LAMTOR5: variants seen among roughly 807,000 people sequenced by gnomAD.
LAMTOR5 encodes the protein ragulator complex protein LAMTOR5.
Under a neutral mutation model 12.1 loss-of-function variants are expected in LAMTOR5, and 8 were observed. The ratio of observed to expected loss-of-function variants is 0.66; its 90% CI spans 0.39 to 1.19. LAMTOR5 has a LOEUF of 1.19. LAMTOR5 is among the 50% of genes most tolerant of loss of function. LAMTOR5 has a pLI of 0.01. For missense variants in LAMTOR5, 110 were observed against 112.8 expected, an observed-to-expected ratio of 0.97 and a Z score of 0.11; for synonymous variants, 37 against 41.9, an observed-to-expected ratio of 0.88 and a Z score of 0.45.
intron 2 of LAMTOR5, among the ~76,000 whole-genome samples, chr1:110,405,405 T>G (rs1040333715): frequency 6.6e-6 from 1 of 152,072 alleles, no homozygotes; most frequent in African/African-American, 2.4e-5. Flanking sequence ...CCTCAGGTGA[T>G]CCACCCGCCT....
intron 3 of LAMTOR5, among the ~76,000 whole-genome samples, chr1:110,402,582 C>T (rs796099630): frequency 1.3e-5 from 2 of 152,222 alleles, no homozygotes; most frequent in African/African-American, 4.8e-5. Flanking sequence ...ACTACTCCTA[C>T]TTATTAAGAC....
At chr1:110,403,853 GC>G (rs1352345762) in intron 3 of LAMTOR5, 65 bp downstream of exon 3, 3 of 1,594,290 alleles carry the variant, frequency 1.9e-6, no homozygotes, top group East Asian at 2.3e-5. Context: ...CACAGGGCCG[GC>G]CCCCGCCAAT....
chr1:110,407,694 TGAC>T (rs1160173549), upstream of LAMTOR5: 1 of 1,614,206 alleles, frequency 6.2e-7, no homozygotes, highest in Non-Finnish European at 8.5e-7. Context: ...CTCAGTCACT[TGAC>T]GCGAGCGGGG....
At chr1:110,407,469 G>C (rs577968011) in intron 1 of LAMTOR5, 117 bp downstream of exon 1, 2 of 1,304,088 alleles carry the variant, frequency 1.5e-6, no homozygotes, top group East Asian at 2.5e-5. Flanking sequence ...CCGTGTCCCG[G>C]GGGTCGCGCG....
Position 110,407,603 on chromosome 1 carries a change from C to T in LAMTOR5, c.18G>A (p.Glu6=), listed in dbSNP as rs140018196. 4.3e-6 allele frequency: 7 copies of T among 1,614,042 alleles called. No individual in the cohort carries two copies. The African/African-American group carries it at 9.3e-5, about 22-fold the overall frequency. Residue 6 remains glutamate, a synonymous_variant, in exon 1 of 4, where the codon GAG becomes GAA. Transcript: ENST00000602318. ...CTACTCACGTGTCTTCCAAGTGCTG[C>T]TCCAAGGTCGCCTCCATCCCACCCA... MEATL[E]QHLEDTMKNP... is the part of the protein sequence containing the mutation.
At chr1:110,404,419 A>C (rs183822736) in intron 2 of LAMTOR5, among the ~76,000 whole-genome samples, 36 of 152,360 alleles carry the variant, frequency 2.4e-4, no homozygotes, top group African/African-American at 8.4e-4. Flanking sequence ...ATTTAGTTTT[A>C]GATTTCCATA....
In LAMTOR5 at chr1:110,406,390, G is replaced by A. The variant is rs772984027; in HGVS notation, c.36-11C>T. ...GAGGGATTCTTCATTCTAATTCCAG[G>A]AACACAAGAGAGTTGAAGTACATAA... is the stretch of plus-strand genomic sequence containing the variant. On this transcript the variant is annotated splice_polypyrimidine_tract_variant and intron_variant, in intron 1 of 3. Coordinates refer to ENST00000602318, the MANE Select transcript of LAMTOR5 (RefSeq NM_001382293.1). 3 of 1,599,972 alleles carry A rather than the reference G, an allele frequency of 1.9e-6. No individual in the cohort carries two copies. The highest frequency in any genetic ancestry group is 2.6e-6 in the Non-Finnish European group (3 of 1,170,134).
chr1:110,406,482 T>A, intron 1 of LAMTOR5, 103 bp from the exon 2 acceptor site: 1 of 714,846 alleles, frequency 1.4e-6, no homozygotes, highest in Non-Finnish European at 2.3e-6. Flanking sequence ...TTAAGTGCTT[T>A]AAATCAATAT....
At position 110,401,378 on chromosome 1, in the gene LAMTOR5, G is replaced by T; in HGVS notation, c.*145C>A. Reference sequence around the variant, plus strand: ...TAGTCGGTCCATAGAGCATTAGAAAGCAATTGACTCTTAAATAAACAGAAA... The same window carrying T: ...TAGTCGGTCCATAGAGCATTAGAAATCAATTGACTCTTAAATAAACAGAAA... On this transcript the variant is annotated 3_prime_UTR_variant, in exon 4 of 4. Transcript: ENST00000602318. 1.4e-6 allele frequency: 1 copy of T among 721,788 alleles called. No homozygotes were observed. The highest frequency in any genetic ancestry group is 2.2e-6 in the Non-Finnish European group (1 of 455,626). 44.7% of individuals were successfully genotyped at this position (721,788 alleles called of 1,614,324 possible).
rs1166001203 is a variant in LAMTOR5 at position 110,401,684 on chromosome 1, G to A, written c.216-101C>T. The A allele has an allele frequency of 7.1e-6, 9 of 1,260,676 alleles. No homozygotes were observed. The South Asian group carries it at 7.4e-5, about 10-fold the overall frequency. The allele number at this position is 1,260,676 out of a possible 1,614,324, so 78.1% of individuals were successfully genotyped here. ...TTTAGGATACAATATTTAAAATAAT[G>A]TAATTGTTTCTACGTATAAAAGCAA... On this transcript the variant is annotated intron_variant, in intron 3 of 3. Coordinates refer to ENST00000602318, the MANE Select transcript of LAMTOR5 (RefSeq NM_001382293.1).
At chr1:110,402,536 A>G (rs370177235) in intron 3 of LAMTOR5, among the ~76,000 whole-genome samples, 1 of 152,158 alleles carries the variant, frequency 6.6e-6, no homozygotes, top group African/African-American at 2.4e-5. Context: ...GTGAGCCACC[A>G]TGCCGGGCCT....
At chr1:110,407,260 A>C (rs1408707460) in intron 1 of LAMTOR5, 9 of 579,420 alleles carry the variant, frequency 1.6e-5, no homozygotes, top group Non-Finnish European at 2.8e-5. Flanking sequence ...CAATCTTCCC[A>C]AAAGTCAACC....
At chr1:110,404,873 C>T (rs1663296957) in intron 2 of LAMTOR5, among the ~76,000 whole-genome samples, 1 of 151,892 alleles carries the variant, frequency 6.6e-6, no homozygotes, top group African/African-American at 2.4e-5. Flanking sequence ...CATAGTGAAA[C>T]CCTGTATCTA....
intron 1 of LAMTOR5, chr1:110,406,659 T>C: frequency 3.5e-6 from 1 of 286,586 alleles, no homozygotes; most frequent in Non-Finnish European, 6.6e-6. Context: ...ACCCCGTCTC[T>C]ACTAAAAATA....
rs375681309 is a variant in LAMTOR5, at chr1:110,407,570, G to C, written c.35+16C>G. On this transcript the variant is annotated intron_variant, in intron 1 of 3. Coordinates refer to ENST00000602318, the MANE Select transcript of LAMTOR5 (RefSeq NM_001382293.1). The stretch of plus-strand genomic sequence containing the variant: ...CCGCGACCTCAGGACAGGCCGAAGA[G>C]GCGCGCACTACTCACGTGTCTTCCA... The C allele has an allele frequency of 6.2e-6, 10 of 1,611,578 alleles. No homozygotes were observed. Among genetic ancestry groups the C allele is most frequent in the Non-Finnish European group, 8.5e-6 (10 of 1,178,236 alleles).
At chr1:110,406,005 A>G (rs908721858) in intron 2 of LAMTOR5, among the ~76,000 whole-genome samples, 2 of 152,226 alleles carry the variant, frequency 1.3e-5, no homozygotes, top group African/African-American at 4.8e-5. Flanking sequence ...TATGGCATAC[A>G]TTCAATAAAT....
chr1:110,406,249 C>G, intron 2 of LAMTOR5, 69 bp downstream of exon 2: 1 of 1,037,610 alleles, frequency 9.6e-7, no homozygotes, highest in East Asian at 2.7e-5. Flanking sequence ...AAAATAATAG[C>G]ACGCTAGGCT....
chr1:110,406,201 CAGAA>C (rs1470253223), intron 2 of LAMTOR5, 113 bp downstream of exon 2: 2 of 588,308 alleles, frequency 3.4e-6, no homozygotes, highest in Non-Finnish European at 5.7e-6. Flanking sequence ...CTCTCAAACT[CAGAA>C]AGACCTGGCA....
intron 3 of LAMTOR5, chr1:110,403,650 T>A: frequency 3.2e-6 from 1 of 315,086 alleles, no homozygotes; most frequent in East Asian, 6.0e-5. Context: ...TATTCTCTGA[T>A]TAGTTTTCCT....
Sources: gnomAD v4.1 joint callset for allele counts (sites outside exome capture counted in the v4.1 genomes callset) on GRCh38, gnomAD v4.1.1 for gene constraint, MANE v1.5 for transcripts, NCBI Gene and HGNC (gene_info 2026-07-23, HGNC 2026-07-21) for gene names.